Variants in SMAD6 observed in about 807,000 individuals in gnomAD.
SMAD6 encodes the protein SMAD family member 6.
SMAD6 carries 103 observed loss-of-function variants against 39.4 expected under a neutral mutation model. That is an observed-to-expected ratio of 2.62 (90% CI 2.23 to 3.08). The LOEUF (loss-of-function observed/expected upper bound fraction) is 3.08, where lower values mean the gene tolerates loss of function less well. Among genes scored for constraint, SMAD6 ranks in the 30% most tolerant of loss-of-function variants. The pLI is 0.00. For missense variants in SMAD6, 1,104 were observed against 742.9 expected, an observed-to-expected ratio of 1.49 and a Z score of -5.65; for synonymous variants, 445 against 353.3, an observed-to-expected ratio of 1.26 and a Z score of -2.91.
chr15:66,717,416 A>T (rs1415270980), intron 3 of SMAD6: 2 of 455,908 alleles, frequency 4.4e-6, no homozygotes, highest in Admixed American at 2.3e-5. Context: ...GCCGCTTTAT[A>T]TGCATTCTCT....
intron 3 of SMAD6, among the ~76,000 whole-genome samples, chr15:66,766,879 C>T (rs1488129822): frequency 6.6e-6 from 1 of 152,164 alleles, no homozygotes; most frequent in Non-Finnish European, 1.5e-5. Flanking sequence ...TCATGGAAAA[C>T]ATAGCATGCC....
intron 3 of SMAD6, among the ~76,000 whole-genome samples, chr15:66,725,075 C>T (rs1331067093): frequency 1.3e-5 from 2 of 152,234 alleles, no homozygotes; most frequent in Non-Finnish European, 2.9e-5. Flanking sequence ...TCGGGAACTG[C>T]GCTCGAAAGT....
At chr15:66,715,489 G>A (rs1893310858) in intron 2 of SMAD6, among the ~76,000 whole-genome samples, 1 of 152,226 alleles carries the variant, frequency 6.6e-6, no homozygotes, top group Non-Finnish European at 1.5e-5. Context: ...ACCCGAGCCA[G>A]TCCTGGATTG....
chr15:66,710,137 T>C (rs1893199493), intron 1 of SMAD6, among the ~76,000 whole-genome samples: 1 of 152,200 alleles, frequency 6.6e-6, no homozygotes, highest in Admixed American at 6.5e-5. Flanking sequence ...TCGGGGAACA[T>C]GCGCAAGTCA....
chr15:66,765,995 G>A (rs1281602649), intron 3 of SMAD6, among the ~76,000 whole-genome samples: 1 of 152,208 alleles, frequency 6.6e-6, no homozygotes, highest in Non-Finnish European at 1.5e-5. Context: ...GCCAGACGGA[G>A]CTGAGAGAGA....
At chr15:66,721,334 A>AGT (rs1019990598) in intron 3 of SMAD6, among the ~76,000 whole-genome samples, 59 of 151,544 alleles carry the variant, frequency 3.9e-4, no homozygotes, top group African/African-American at 1.3e-3. Flanking sequence ...CTGGGAGAGG[A>AGT]GTGTGTGTGT....
Position 66,725,437 on chromosome 15 carries a change from A to G in SMAD6, c.952+8939A>G, listed in dbSNP as rs562110726. Among the ~76,000 whole-genome samples the G allele has an allele frequency of 7.0e-4, 106 of 152,308 alleles. 1 individual carries two copies. Among genetic ancestry groups the G allele is most frequent in the African/African-American group, 2.5e-3 (105 of 41,580 alleles). ...CTAGATTTGGAAAAACAGAGGTCTC[A>G]TGTCTGGAGCGGACATCAAAGCCAC... On this transcript the variant is annotated intron_variant, in intron 3 of 3. Transcript: ENST00000288840.
chr15:66,779,554 C>T (rs1894523039), intron 3 of SMAD6, among the ~76,000 whole-genome samples: 1 of 152,192 alleles, frequency 6.6e-6, no homozygotes, highest in African/African-American at 2.4e-5. Context: ...GGGCGGGCCT[C>T]CCAGTGTGTA....
In SMAD6 at chr15:66,711,728, A is replaced by T. The variant is rs375338619; in HGVS notation, c.874+4A>T. On this transcript the variant is annotated splice_donor_region_variant and intron_variant, in intron 2 of 3. Transcript: ENST00000288840. ...CGCGACGAGTACAAGCCACTGGGTA[A>T]GTGTGCCCTCCTTCCTACCCTTGCA... 2.5e-6 allele frequency: 4 copies of T among 1,611,648 alleles called. No homozygotes were observed. In the African/African-American group the frequency reaches 5.4e-5, roughly 22 times the overall value.
chr15:66,759,049 G>A (rs1285728064), intron 3 of SMAD6, among the ~76,000 whole-genome samples: 4 of 152,292 alleles, frequency 2.6e-5, no homozygotes, highest in South Asian at 2.1e-4. Context: ...ACTGTAGCCC[G>A]AGGACATCTA....
chr15:66,711,492 C>T (rs1893225109), intron 1 of SMAD6, among the ~76,000 whole-genome samples, 176 bp from the exon 2 acceptor site: 1 of 152,174 alleles, frequency 6.6e-6, no homozygotes. Context: ...TCTGTCTGTG[C>T]CCCAAGCCTG....
At chr15:66,733,930 C>T (rs1487188102) in intron 3 of SMAD6, among the ~76,000 whole-genome samples, 1 of 152,190 alleles carries the variant, frequency 6.6e-6, no homozygotes, top group Non-Finnish European at 1.5e-5. Context: ...GGAATCCTTT[C>T]CTCATTTTAC....
At chr15:66,740,080 A>G (rs1893787317) in intron 3 of SMAD6, among the ~76,000 whole-genome samples, 1 of 152,110 alleles carries the variant, frequency 6.6e-6, no homozygotes, top group Non-Finnish European at 1.5e-5. Flanking sequence ...ACTAGGGCTG[A>G]GTTCTTAGCT....
rs1324120972 is a variant in SMAD6, at chr15:66,735,387, G to A, written c.952+18889G>A. On this transcript the variant is annotated intron_variant, in intron 3 of 3. Coordinates refer to ENST00000288840, the MANE Select transcript of SMAD6 (RefSeq NM_005585.5). ...AAACTTAACTGCCTGTATTTTTTTA[G>A]AGATGCATCATGAAGGATGTAGGGG... is the stretch of plus-strand genomic sequence containing the variant. Among the ~76,000 whole-genome samples the A allele has an allele frequency of 2.6e-5, 4 of 152,316 alleles. No individual in the cohort carries two copies. The East Asian group carries it at 7.7e-4, about 29-fold the overall frequency.
chr15:66,742,123 C>T (rs984878693), intron 3 of SMAD6, among the ~76,000 whole-genome samples: 7 of 152,152 alleles, frequency 4.6e-5, no homozygotes, highest in African/African-American at 1.7e-4. Flanking sequence ...GAGCTAGTGA[C>T]CTTTTAAGCC....
At chr15:66,766,131 G>A (rs373870434) in intron 3 of SMAD6, among the ~76,000 whole-genome samples, 26 of 152,310 alleles carry the variant, frequency 1.7e-4, no homozygotes, top group African/African-American at 6.3e-4. Flanking sequence ...TCCTTAGTGG[G>A]CATGTGCTCT....
At chr15:66,712,601 G>A (rs1160213270) in intron 2 of SMAD6, among the ~76,000 whole-genome samples, 4 of 149,058 alleles carry the variant, frequency 2.7e-5, no homozygotes, top group Non-Finnish European at 5.9e-5. Flanking sequence ...TGAGGCAGGA[G>A]AATTGCTTGA....
chr15:66,728,652 G>A (rs1398022929), intron 3 of SMAD6, among the ~76,000 whole-genome samples: 2 of 152,068 alleles, frequency 1.3e-5, no homozygotes, highest in African/African-American at 4.8e-5. Flanking sequence ...TGATCTGCCC[G>A]CCTCGGCCTC....
chr15:66,769,869 G>A (rs537972359), intron 3 of SMAD6, among the ~76,000 whole-genome samples: 1 of 152,088 alleles, frequency 6.6e-6, no homozygotes, highest in African/African-American at 2.4e-5. Context: ...GTCTTGCTCT[G>A]TTGCCCAGTG....
Sources: gnomAD v4.1 joint callset for allele counts (sites outside exome capture counted in the v4.1 genomes callset) on GRCh38, gnomAD v4.1.1 for gene constraint, MANE v1.5 for transcripts, NCBI Gene and HGNC (gene_info 2026-07-23, HGNC 2026-07-21) for gene names.